The following FERMT2 variants were observed in gnomAD, a reference collection of about 807,000 sequenced individuals.
The protein encoded by FERMT2 is FERM domain containing kindlin 2.
In FERMT2, 15 loss-of-function variants were observed where a neutral mutation model predicts 82.7. The ratio of observed to expected loss-of-function variants is 0.18; its 90% confidence interval spans 0.12 to 0.28. FERMT2 has a LOEUF of 0.28. FERMT2 is among the 10% of genes least tolerant of loss of function. FERMT2 has a pLI of 1.00. For synonymous variants in FERMT2, 274 were observed against 271.5 expected, an observed-to-expected ratio of 1.01 and a Z score of -0.09; for missense variants, 645 against 809.4, an observed-to-expected ratio of 0.80 and a Z score of 2.46.
In FERMT2 at chr14:52,858,051, A is replaced by G; in HGVS notation, c.*326T>C. 1 of 256,722 alleles carries G rather than the reference A, an allele frequency of 3.9e-6. No homozygotes were observed. Among genetic ancestry groups the G allele is most frequent in the South Asian group, 7.5e-5 (1 of 13,316 alleles). 15.9% of individuals were successfully genotyped at this position (256,722 alleles called of 1,614,324 possible). On this transcript the variant is annotated 3_prime_UTR_variant, in exon 15 of 15. Transcript: ENST00000341590. Reference sequence around the variant, plus strand: ...AGTTCATATAGGTTAAGCCCTGGATAGCTTTAAAATAGATGGCTTGTTTCT... The same window carrying G: ...AGTTCATATAGGTTAAGCCCTGGATGGCTTTAAAATAGATGGCTTGTTTCT...
At chr14:52,924,538 A>G (rs1566753583) in intron 2 of FERMT2, among the ~76,000 whole-genome samples, 1 of 152,168 alleles carries the variant, frequency 6.6e-6, no homozygotes, top group Non-Finnish European at 1.5e-5. Flanking sequence ...TTTCAAAATC[A>G]TTACTGATAA....
At chr14:52,864,705 CATT>C in intron 11 of FERMT2, 39 bp downstream of exon 11, 1 of 1,576,208 alleles carries the variant, frequency 6.3e-7, no homozygotes, top group Non-Finnish European at 8.7e-7. Context: ...CTGGTCAACT[CATT>C]TAAGAAAATT....
At chr14:52,906,207 C>G (rs1888003412) in intron 3 of FERMT2, among the ~76,000 whole-genome samples, 1 of 152,066 alleles carries the variant, frequency 6.6e-6, no homozygotes, top group Non-Finnish European at 1.5e-5. Context: ...GAGAAGGGAG[C>G]TCCACAGAGA....
rs1886201018 is a variant in FERMT2 at position 52,880,108 on chromosome 14, G to C, written c.855+928C>G. Among the ~76,000 whole-genome samples, 3 of 151,992 alleles carry C rather than the reference G, an allele frequency of 2.0e-5. No individual in the cohort carries two copies. The South Asian group carries it at 6.2e-4, about 32-fold the overall frequency. On this transcript the variant is annotated intron_variant, in intron 6 of 14. Coordinates refer to ENST00000341590, the MANE Select transcript of FERMT2 (RefSeq NM_006832.3). ...GAGACTCTGTCTCTACAGAAAATAA[G>C]AAAGCCAGGTGTGGCTGGGTGAGCC...
At chr14:52,943,944 T>A (rs1380944072) in intron 2 of FERMT2, among the ~76,000 whole-genome samples, 1 of 152,176 alleles carries the variant, frequency 6.6e-6, no homozygotes. Context: ...ATTTTTAGCA[T>A]CTCTATAAAT....
chr14:52,861,308 G>C (rs974888418), intron 12 of FERMT2: 3 of 406,602 alleles, frequency 7.4e-6, no homozygotes, highest in Non-Finnish European at 1.3e-5. Context: ...AGAACCTAAG[G>C]GTAGAAATTT....
At chr14:52,933,884 T>G (rs529072013) in intron 2 of FERMT2, among the ~76,000 whole-genome samples, 8 of 152,256 alleles carry the variant, frequency 5.3e-5, no homozygotes, top group African/African-American at 1.7e-4. Context: ...CTGGCCTAGT[T>G]TGTGGAACAA....
Position 52,874,173 on chromosome 14 carries a change from T to C in FERMT2, c.1148+4A>G, listed in dbSNP as rs900792875. The C allele has an allele frequency of 1.3e-6, 2 of 1,578,844 alleles. No individual in the cohort carries two copies. The highest frequency in any genetic ancestry group is 2.7e-5 in the African/African-American group (2 of 73,946). The stretch of plus-strand genomic sequence containing the variant: ...TATTTGGCATCCCTCCTTTTTGTAC[T>C]TACTTGAAAACTTTAATGTAGTCAG... On this transcript the variant is annotated splice_donor_region_variant and intron_variant, in intron 9 of 14. Coordinates refer to ENST00000341590, the MANE Select transcript of FERMT2 (RefSeq NM_006832.3).
At chr14:52,892,447 C>CTGTTTTTTGTTTTT (rs200499737) in intron 4 of FERMT2, among the ~76,000 whole-genome samples, 1 of 38,074 alleles carries the variant, frequency 2.6e-5, no homozygotes, top group African/African-American at 4.9e-5. Context: ...CCGCCTGGTG[C>CTGTTTTTTGTTTTT]TGTTTTTTGT....
At chr14:52,935,972 T>C (rs1168473930) in intron 2 of FERMT2, among the ~76,000 whole-genome samples, 1 of 152,222 alleles carries the variant, frequency 6.6e-6, no homozygotes, top group African/African-American at 2.4e-5. Flanking sequence ...ACAGAAAGTA[T>C]GCCAATTATT....
At chr14:52,929,010 C>G (rs1029150891) in intron 2 of FERMT2, among the ~76,000 whole-genome samples, 1 of 152,138 alleles carries the variant, frequency 6.6e-6, no homozygotes, top group Non-Finnish European at 1.5e-5. Flanking sequence ...ATTTTCGTCA[C>G]TGGTGTCAGC....
chr14:52,911,519 C>T (rs914238587), intron 3 of FERMT2, among the ~76,000 whole-genome samples: 7 of 151,850 alleles, frequency 4.6e-5, no homozygotes, highest in East Asian at 3.9e-4. Context: ...GGCGTGGTGG[C>T]GAGCGCCTAT....
chr14:52,925,181 A>C (rs1889183969), intron 2 of FERMT2, among the ~76,000 whole-genome samples: 1 of 152,200 alleles, frequency 6.6e-6, no homozygotes. Flanking sequence ...TACACTGATG[A>C]AAATCCTGAG....
intron 4 of FERMT2, among the ~76,000 whole-genome samples, chr14:52,882,736 A>G (rs191609105): frequency 3.7e-4 from 57 of 152,200 alleles, no homozygotes; most frequent in Admixed American, 3.0e-3. Flanking sequence ...CTGCCTGTGA[A>G]AAAGTGGTGC....
Position 52,875,259 on chromosome 14 carries a change from C to T in FERMT2, c.1062G>A (p.Glu354=). The change falls in exon 8 of 15, where the codon GAG becomes GAA. Residue 354 remains glutamate (E), a synonymous_variant. Coordinates refer to ENST00000341590, the MANE Select transcript of FERMT2 (RefSeq NM_006832.3). Reference sequence around the variant, plus strand: ...ACGTTTTACCCCCTTCCAGAGTAATCTCCAGGTCTGAAAGGGCAGCATCAA... The same window carrying T: ...ACGTTTTACCCCCTTCCAGAGTAATTTCCAGGTCTGAAAGGGCAGCATCAA... ...DEVDAALSDL[E]ITLEGGKTST... 1 of 1,613,012 alleles carries T rather than the reference C, an allele frequency of 6.2e-7. No homozygotes were observed. The highest frequency in any genetic ancestry group is 8.5e-7 in the Non-Finnish European group (1 of 1,179,488).
chr14:52,921,769 T>C (rs7159655), intron 2 of FERMT2, among the ~76,000 whole-genome samples: 22,250 of 152,172 alleles, frequency 0.15, 1,708 homozygotes, highest in Middle Eastern at 0.19. Context: ...TTTTAGACTT[T>C]AGAACATTTC....
chr14:52,886,955 C>A (rs1001606948), intron 4 of FERMT2, among the ~76,000 whole-genome samples: 1 of 151,878 alleles, frequency 6.6e-6, no homozygotes, highest in Non-Finnish European at 1.5e-5. Context: ...ATATGAGGTC[C>A]ATCAGTATGT....
At chr14:52,865,949 TTTC>T (rs538286305) in intron 10 of FERMT2, among the ~76,000 whole-genome samples, 55 of 152,336 alleles carry the variant, frequency 3.6e-4, no homozygotes, top group African/African-American at 1.3e-3. Context: ...TACATATGAA[TTTC>T]TTCTTTTATA....
At chr14:52,916,650 A>C (rs920389900) in intron 3 of FERMT2, among the ~76,000 whole-genome samples, 6 of 152,192 alleles carry the variant, frequency 3.9e-5, no homozygotes, top group Admixed American at 3.3e-4. Context: ...AGCATGTACA[A>C]CACCAGAAGT....
Sources: allele counts gnomAD v4.1 joint callset (sites outside exome capture counted in the v4.1 genomes callset), GRCh38; gene constraint gnomAD v4.1.1; transcripts MANE v1.5; gene names NCBI Gene and HGNC (gene_info 2026-07-23, HGNC 2026-07-21).